Variants in PCDHA11 observed in about 807,000 individuals in gnomAD.
The protein encoded by PCDHA11 is protocadherin alpha-11.
PCDHA11 carries 61 observed loss-of-function variants against 70.3 expected under a neutral mutation model. That is an observed-to-expected ratio of 0.87 (90% confidence interval 0.71 to 1.07). The LOEUF is 1.07. Among genes scored for constraint, PCDHA11 ranks in the 50% least tolerant of loss-of-function variants. The pLI is 0.00. For missense variants in PCDHA11, 1,324 were observed against 1,237.5 expected, an observed-to-expected ratio of 1.07 and a Z score of -1.05; for synonymous variants, 633 against 555.1, an observed-to-expected ratio of 1.14 and a Z score of -1.97.
chr5:140,925,641 TATAATAATAATAATA>T (rs10569930), intron 1 of PCDHA11, among the ~76,000 whole-genome samples: 7 of 143,358 alleles, frequency 4.9e-5, no homozygotes, highest in African/African-American at 1.0e-4. Flanking sequence ...GAACTTAAAG[TATAATAATAATAATA>T]ATAATAATAA....
intron 1 of PCDHA11, among the ~76,000 whole-genome samples, chr5:140,910,738 C>G (rs2075147470): frequency 6.6e-6 from 1 of 152,098 alleles, no homozygotes; most frequent in Non-Finnish European, 1.5e-5. Context: ...GCTAACCAAG[C>G]ACATAAATTA....
At chr5:140,934,279 A>G (rs2089746811) in intron 1 of PCDHA11, among the ~76,000 whole-genome samples, 1 of 152,104 alleles carries the variant, frequency 6.6e-6, no homozygotes, top group South Asian at 2.1e-4. Flanking sequence ...TGCTTCATCA[A>G]GGGCATTCTT....
At chr5:140,968,442 T>C in intron 1 of PCDHA11, 1 of 1,614,068 alleles carries the variant, frequency 6.2e-7, no homozygotes, top group Non-Finnish European at 8.5e-7. Flanking sequence ...AGCCCACCAC[T>C]GAGCAGCACT....
At chr5:140,884,519 T>G in intron 1 of PCDHA11, 1 of 1,614,042 alleles carries the variant, frequency 6.2e-7, no homozygotes, top group Non-Finnish European at 8.5e-7. Context: ...TTGGTCGTAC[T>G]CGCAGCAGAG....
At chr5:140,982,025 C>A (rs1191670248) in intron 2 of PCDHA11, among the ~76,000 whole-genome samples, 1 of 152,180 alleles carries the variant, frequency 6.6e-6, no homozygotes, top group Non-Finnish European at 1.5e-5. Flanking sequence ...CAAATTGGAA[C>A]AATACTCCAA....
intron 3 of PCDHA11, among the ~76,000 whole-genome samples, chr5:140,999,602 G>A (rs150839481): frequency 5.1e-4 from 78 of 152,202 alleles, no homozygotes; most frequent in African/African-American, 1.9e-3. Flanking sequence ...CTACATCCTG[G>A]GGGACCTTAT....
intron 1 of PCDHA11, among the ~76,000 whole-genome samples, chr5:140,914,207 A>C (rs1485868934): frequency 6.6e-6 from 1 of 152,060 alleles, no homozygotes; most frequent in Admixed American, 6.6e-5. Context: ...TGTGATCTCT[A>C]TCTCTCTTTT....
rs2098422979 is a variant in PCDHA11, at chr5:141,012,116, T to C, written c.*2179T>C. The C allele has an allele frequency of 6.5e-6, 1 of 153,756 alleles. No individual in the cohort carries two copies. Among genetic ancestry groups the C allele is most frequent in the African/African-American group, 2.4e-5 (1 of 41,464 alleles). The allele number at this position is 153,756 out of a possible 1,614,324, so 9.5% of individuals were successfully genotyped here. ...GATCATTTTGCCCCACTGAAGCCCA[T>C]GTATCTGACCTTACGTGCCTTTTGA... On this transcript the variant is annotated 3_prime_UTR_variant, in exon 4 of 4. Coordinates refer to ENST00000398640, the MANE Select transcript of PCDHA11 (RefSeq NM_018902.5).
At chr5:140,927,092 G>T in intron 1 of PCDHA11, 1 of 1,612,746 alleles carries the variant, frequency 6.2e-7, no homozygotes, top group Non-Finnish European at 8.5e-7. Flanking sequence ...CTCTACTTCG[G>T]GGTGGATCTA....
At chr5:140,884,679 A>C (rs782535862) in intron 1 of PCDHA11, 12 of 1,551,914 alleles carry the variant, frequency 7.7e-6, no homozygotes, top group Non-Finnish European at 8.7e-6. Context: ...TTATATTTTA[A>C]AAAATTGTCT....
chr5:140,901,829 T>C (rs1449316816), intron 1 of PCDHA11, among the ~76,000 whole-genome samples: 1 of 152,230 alleles, frequency 6.6e-6, no homozygotes, highest in African/African-American at 2.4e-5. Flanking sequence ...TTCCAGTCCA[T>C]AAACATGCAA....
intron 1 of PCDHA11, among the ~76,000 whole-genome samples, chr5:140,872,413 G>A (rs2053647330): frequency 6.6e-6 from 1 of 151,990 alleles, no homozygotes; most frequent in Admixed American, 6.6e-5. Flanking sequence ...AATTGCTTGA[G>A]CCCAAGAGTT....
intron 1 of PCDHA11, chr5:140,877,744 G>A (rs200651425): frequency 6.2e-7 from 1 of 1,614,080 alleles, no homozygotes; most frequent in African/African-American, 1.3e-5. Flanking sequence ...GAGGCAGAGG[G>A]TGTGCTCTGC....
At chr5:140,943,200 G>A (rs2093432800) in intron 1 of PCDHA11, among the ~76,000 whole-genome samples, 1 of 140,910 alleles carries the variant, frequency 7.1e-6, no homozygotes, top group Non-Finnish European at 1.5e-5. Context: ...GGAGGCTGCA[G>A]TAAGCCAAGA....
At chr5:140,962,104 C>T (rs1387807188) in intron 1 of PCDHA11, among the ~76,000 whole-genome samples, 1 of 152,056 alleles carries the variant, frequency 6.6e-6, no homozygotes, top group Non-Finnish European at 1.5e-5. Context: ...CCAGGATGGT[C>T]TCGATCTCCT....
intron 3 of PCDHA11, among the ~76,000 whole-genome samples, chr5:141,000,193 A>G (rs554462748): frequency 2.0e-5 from 3 of 151,958 alleles, no homozygotes; most frequent in Non-Finnish European, 4.4e-5. Flanking sequence ...ATGTGAGAAT[A>G]GTTTTTCACC....
intron 3 of PCDHA11, among the ~76,000 whole-genome samples, chr5:140,994,729 A>G (rs1382639837): frequency 6.6e-6 from 1 of 152,180 alleles, no homozygotes; most frequent in Non-Finnish European, 1.5e-5. Flanking sequence ...AATACTGGGT[A>G]TTGCAGGATG....
At chr5:140,962,543 G>A (rs962454688) in intron 1 of PCDHA11, among the ~76,000 whole-genome samples, 1 of 152,176 alleles carries the variant, frequency 6.6e-6, no homozygotes, top group African/African-American at 2.4e-5. Flanking sequence ...AACTAAAAAT[G>A]TAGAGGATCT....
chr5:140,893,817 C>T (rs951661016), intron 1 of PCDHA11, among the ~76,000 whole-genome samples: 73 of 152,098 alleles, frequency 4.8e-4, no homozygotes, highest in African/African-American at 1.7e-3. Context: ...AGTCTGGTAC[C>T]GTAGACTACT....
Sources: allele counts gnomAD v4.1 joint callset (sites outside exome capture counted in the v4.1 genomes callset), GRCh38; gene constraint gnomAD v4.1.1; transcripts MANE v1.5; gene names NCBI Gene and HGNC (gene_info 2026-07-23, HGNC 2026-07-21).